Variants in GBP1 observed in about 807,000 individuals in gnomAD.
The protein encoded by GBP1 is guanylate-binding protein 1.
GBP1 carries 64 observed loss-of-function variants against 69.5 expected under a neutral mutation model. The ratio of observed to expected loss-of-function variants is 0.92; its 90% CI spans 0.75 to 1.13. The LOEUF is 1.13. Among genes scored for constraint, GBP1 ranks in the 50% most tolerant of loss-of-function variants. The pLI, the probability that GBP1 is intolerant of heterozygous loss-of-function variation, is 0.00. For missense variants in GBP1, 630 were observed against 704.1 expected, an observed-to-expected ratio of 0.89 and a Z score of 1.19; for synonymous variants, 250 against 261.2, an observed-to-expected ratio of 0.96 and a Z score of 0.41.
chr1:89,056,269 A>G, intron 7 of GBP1, 41 bp from the exon 8 acceptor site: 3 of 1,613,600 alleles, frequency 1.9e-6, no homozygotes, highest in Non-Finnish European at 1.7e-6. Flanking sequence ...TAACAGGGAA[A>G]GGATGTTAGC....
intron 1 of GBP1, among the ~76,000 whole-genome samples, chr1:89,064,227 G>GTA (rs1680275531): frequency 7.3e-6 from 1 of 137,532 alleles, no homozygotes. Flanking sequence ...GTGTGTGTGT[G>GTA]TGTGTGTGTG....
In GBP1 at chr1:89,059,542, T is replaced by C. The variant is rs1180446956; in HGVS notation, c.319-116A>G. ...GAGGGTTTTTTTTTCTTTTCTTTTT[T>C]TTTTTTTTTTTTAACACTAATGACC... On this transcript the variant is annotated intron_variant, in intron 3 of 10. Transcript: ENST00000370473. 3,294 of 1,028,180 alleles carry C rather than the reference T, an allele frequency of 3.2e-3. 7 individuals carry two copies. The highest frequency in any genetic ancestry group is 3.6e-3 in the Non-Finnish European group (2,607 of 731,628). The allele number at this position is 1,028,180 out of a possible 1,614,324, so 63.7% of individuals were successfully genotyped here.
At chr1:89,061,218 T>C (rs1362751363) in intron 2 of GBP1, among the ~76,000 whole-genome samples, 2 of 152,146 alleles carry the variant, frequency 1.3e-5, no homozygotes, top group African/African-American at 4.8e-5. Flanking sequence ...AGAGATCCCC[T>C]AATTATAAAA....
chr1:89,058,664 A>C (rs1680105423), intron 5 of GBP1, 177 bp downstream of exon 5: 1 of 681,750 alleles, frequency 1.5e-6, no homozygotes, highest in Admixed American at 2.9e-5. Flanking sequence ...GAACAATGAC[A>C]AATGTAATTT....
Position 89,054,301 on chromosome 1 carries a change from C to T in GBP1, c.1665+381G>A, listed in dbSNP as rs186823157. Among the ~76,000 whole-genome samples the T allele has an allele frequency of 3.1e-3, 470 of 152,158 alleles. 3 individuals carry two copies. Among genetic ancestry groups the T allele is most frequent in the African/African-American group, 0.011 (437 of 41,498 alleles). On this transcript the variant is annotated intron_variant, in intron 10 of 10. Coordinates refer to ENST00000370473, the MANE Select transcript of GBP1 (RefSeq NM_002053.3). Reference sequence around the variant, plus strand: ...ATTTTTAGTAGTGACGGGATTTCACCGTGTTAGCCAGGATGGCCTCAATCT... The same window carrying T: ...ATTTTTAGTAGTGACGGGATTTCACTGTGTTAGCCAGGATGGCCTCAATCT...
chr1:89,060,340 G>C lies in GBP1; in HGVS notation c.191-16C>G. The C allele has an allele frequency of 6.5e-7, 1 of 1,545,016 alleles. No homozygotes were observed. Among genetic ancestry groups the C allele is most frequent in the Non-Finnish European group, 8.7e-7 (1 of 1,146,714 alleles). On this transcript the variant is annotated splice_polypyrimidine_tract_variant and intron_variant, in intron 2 of 10. Coordinates refer to ENST00000370473, the MANE Select transcript of GBP1 (RefSeq NM_002053.3). ...AGAGAGAAGCCTGCAAGGGAGAGAG[G>C]AGACCAGCGATGGGGATTTAGTAAC... is the stretch of plus-strand genomic sequence containing the variant.
At chr1:89,057,699 A>G (rs1239476670) in intron 6 of GBP1, among the ~76,000 whole-genome samples, 1 of 151,752 alleles carries the variant, frequency 6.6e-6, no homozygotes, top group Admixed American at 6.6e-5. Context: ...AATTTTCCCT[A>G]TTTAAATTAT....
At position 89,053,253 on chromosome 1, in the gene GBP1, T is replaced by C. The variant is rs1679962988; in HGVS notation, c.*102A>G. On this transcript the variant is annotated 3_prime_UTR_variant, in exon 11 of 11. Coordinates refer to ENST00000370473, the MANE Select transcript of GBP1 (RefSeq NM_002053.3). ...ATGCCTTTATAAACTTTTGGTGTTA[T>C]GATGCAAGATCTAATTATTATCAAA... The C allele has an allele frequency of 2.5e-6, 2 of 793,510 alleles. No individual in the cohort carries two copies. Among genetic ancestry groups the C allele is most frequent in the Non-Finnish European group, 4.0e-6 (2 of 501,504 alleles). The allele number at this position is 793,510 out of a possible 1,614,324, so 49.2% of individuals were successfully genotyped here. A position where few individuals can be genotyped will look rare whatever the true frequency, so the allele number is the denominator to read the frequency against.
Position 89,058,116 on chromosome 1 carries a change from G to C in GBP1, c.750C>G (p.Leu250=). 1 of 1,614,138 alleles carries C rather than the reference G, an allele frequency of 6.2e-7. No individual in the cohort carries two copies. Among genetic ancestry groups the C allele is most frequent in the Non-Finnish European group, 8.5e-7 (1 of 1,180,014 alleles). ...CCAGCTCTTCATCTTGTAGTTTCTC[G>C]AGCTGGGCAAGCTTCCTGCGGTGAA... ...RPVHRRKLAQ[L]EKLQDEELDP... The change falls in exon 6 of 11, where the codon CTC becomes CTG. Residue 250 remains leucine (L), a synonymous_variant. Transcript: ENST00000370473.
Position 89,057,109 on chromosome 1 carries a change from G to T in GBP1, c.900C>A (p.Tyr300Ter). The change falls in exon 7 of 11, where the codon TAC (tyrosine) becomes TAA (stop). Residue 300 changes from tyrosine (Y) to a stop codon, truncating the protein, a stop_gained. Coordinates refer to ENST00000370473, the MANE Select transcript of GBP1 (RefSeq NM_002053.3). LOFTEE classifies it high-confidence loss of function. Reference sequence around the variant, plus strand: ...GATCCCCACTGCTGATGGCATTGACGTAGGTCAGCACCAGGCTCTCTAGAC... The same window carrying T: ...GATCCCCACTGCTGATGGCATTGACTTAGGTCAGCACCAGGCTCTCTAGAC... The part of the protein sequence containing the change: ...GPRLESLVLT[Y>*]VNAISSGDLP... 1 of 1,614,258 alleles carries T rather than the reference G, an allele frequency of 6.2e-7. No homozygotes were observed. Among genetic ancestry groups the T allele is most frequent in the South Asian group, 1.1e-5 (1 of 91,088 alleles).
intron 10 of GBP1, 62 bp downstream of exon 10, chr1:89,054,620 C>T (rs192555944): frequency 3.9e-5 from 56 of 1,452,786 alleles, no homozygotes; most frequent in Admixed American, 1.3e-4. Flanking sequence ...ACTAAGTTTG[C>T]GATCAGGGAG....
intron 3 of GBP1, 76 bp downstream of exon 3, chr1:89,060,121 T>C: frequency 7.2e-7 from 1 of 1,394,628 alleles, no homozygotes; most frequent in Non-Finnish European, 9.7e-7. Context: ...TAGTTAATAG[T>C]TAATAAACAA....
intron 2 of GBP1, among the ~76,000 whole-genome samples, chr1:89,062,078 A>G (rs753615793): frequency 2.0e-5 from 3 of 152,176 alleles, no homozygotes; most frequent in Non-Finnish European, 2.9e-5. Flanking sequence ...GTAAAACGGT[A>G]CAGTCACTGT....
At chr1:89,059,997 T>G (rs1278762859) in intron 3 of GBP1, among the ~76,000 whole-genome samples, 200 bp downstream of exon 3, 2 of 152,258 alleles carry the variant, frequency 1.3e-5, no homozygotes, top group African/African-American at 2.4e-5. Flanking sequence ...CAAAGTCACA[T>G]GGCTTTAGCA....
At chr1:89,054,358 C>T (rs188338105) in intron 10 of GBP1, among the ~76,000 whole-genome samples, 40 of 152,224 alleles carry the variant, frequency 2.6e-4, no homozygotes, top group African/African-American at 9.4e-4. Context: ...CCTTGGCCTC[C>T]CAGAGTGCTG....
intron 8 of GBP1, 115 bp downstream of exon 8, chr1:89,055,901 C>A: frequency 8.0e-7 from 1 of 1,246,408 alleles, no homozygotes; most frequent in Non-Finnish European, 1.2e-6. Flanking sequence ...TGAATAAAAG[C>A]ATGAATGTTA....
At position 89,057,872 on chromosome 1, in the gene GBP1, C is replaced by G. The variant is rs112393239; in HGVS notation, c.874+120G>C. On this transcript the variant is annotated intron_variant, in intron 6 of 10. Transcript: ENST00000370473. ...TATATGTTAGAAACATTGGTGCCAT[C>G]TAGAATTTAACACAAATATAGCAGT... 2.7e-6 allele frequency: 3 copies of G among 1,128,082 alleles called. No homozygotes were observed. In the African/African-American group the frequency reaches 4.7e-5, roughly 18 times the overall value. The allele number at this position is 1,128,082 out of a possible 1,614,324, so 69.9% of individuals were successfully genotyped here.
chr1:89,055,341 A>G, intron 8 of GBP1, 126 bp from the exon 9 acceptor site: 1 of 1,492,890 alleles, frequency 6.7e-7, no homozygotes, highest in Non-Finnish European at 8.9e-7. Flanking sequence ...CTTGGTGGTC[A>G]AATTCCCTGT....
chr1:89,053,125 A>T lies in GBP1; in HGVS notation c.*230T>A. On this transcript the variant is annotated 3_prime_UTR_variant, in exon 11 of 11. Transcript: ENST00000370473. Reference sequence around the variant, plus strand: ...AACTTCTCCTGAGTGGTACCAGCTTATGAGATTTCCTGAGTTGATACAGAG... The same window carrying T: ...AACTTCTCCTGAGTGGTACCAGCTTTTGAGATTTCCTGAGTTGATACAGAG... The T allele has an allele frequency of 2.5e-6, 1 of 402,572 alleles. No homozygotes were observed. Among genetic ancestry groups the T allele is most frequent in the Non-Finnish European group, 4.4e-6 (1 of 228,240 alleles). 24.9% of individuals were successfully genotyped at this position (402,572 alleles called of 1,614,324 possible). A position where few individuals can be genotyped will look rare whatever the true frequency, so the allele number is the denominator to read the frequency against.
Sources: allele counts gnomAD v4.1 joint callset (sites outside exome capture counted in the v4.1 genomes callset), GRCh38; gene constraint gnomAD v4.1.1; transcripts MANE v1.5; gene names NCBI Gene and HGNC (gene_info 2026-07-23, HGNC 2026-07-21).